CREB5: variants seen among roughly 807,000 people sequenced by gnomAD.
CREB5 encodes cyclic AMP-responsive element-binding protein 5.
In CREB5, 19 loss-of-function variants were observed where a neutral mutation model predicts 57.1. That is an observed-to-expected ratio of 0.33 (90% CI 0.23 to 0.49). CREB5 has a LOEUF of 0.49. CREB5 is among the 20% of genes least tolerant of loss of function. CREB5 has a pLI of 0.99. For synonymous variants in CREB5, 238 were observed against 238.3 expected, an observed-to-expected ratio of 1.00 and a Z score of 0.01; for missense variants, 579 against 671.6, an observed-to-expected ratio of 0.86 and a Z score of 1.52.
Position 28,482,314 on chromosome 7 carries a change from T to A in CREB5, c.4-5861T>A, listed in dbSNP as rs574635453. Among the ~76,000 whole-genome samples the A allele has an allele frequency of 2.0e-5, 3 of 152,340 alleles. No homozygotes were observed. In the East Asian group the frequency reaches 5.8e-4, roughly 29 times the overall value. On this transcript the variant is annotated intron_variant, in intron 1 of 10. Coordinates refer to ENST00000357727, the MANE Select transcript of CREB5 (RefSeq NM_182898.4). Reference sequence around the variant, plus strand: ...TGAAGAAAATAAATCGAGAGTGTGTTTTTGGTGAATGTGTGTTGGGTTATT... The same window carrying A: ...TGAAGAAAATAAATCGAGAGTGTGTATTTGGTGAATGTGTGTTGGGTTATT...
chr7:28,694,371 T>A (rs1801429128), intron 5 of CREB5, among the ~76,000 whole-genome samples: 1 of 152,172 alleles, frequency 6.6e-6, no homozygotes, highest in Non-Finnish European at 1.5e-5. Context: ...ATAGCCAGAT[T>A]ATTTTTCTGA....
chr7:28,695,533 G>T (rs1256288125), intron 5 of CREB5, among the ~76,000 whole-genome samples: 1 of 152,184 alleles, frequency 6.6e-6, no homozygotes, highest in Admixed American at 6.5e-5. Context: ...GGAGAGAGGG[G>T]TGCAGAGGCC....
intron 1 of CREB5, among the ~76,000 whole-genome samples, chr7:28,369,659 C>T (rs993933123): frequency 6.6e-6 from 1 of 152,128 alleles, no homozygotes; most frequent in Non-Finnish European, 1.5e-5. Flanking sequence ...ACTGCTTTGT[C>T]CAATGGCCAG....
intron 4 of CREB5, among the ~76,000 whole-genome samples, chr7:28,560,891 T>TGCGCGCGCGCGTGCGCGTGCGTGTGC (rs1314317818): frequency 5.1e-5 from 1 of 19,726 alleles, no homozygotes; most frequent in Non-Finnish European, 9.3e-5. Flanking sequence ...TGCGTGCGTG[T>TGCGCGCGCGCGTGCGCGTGCGTGTGC]GTGTGCGTGC....
At chr7:28,692,817 A>G (rs978951931) in intron 5 of CREB5, among the ~76,000 whole-genome samples, 11 of 152,218 alleles carry the variant, frequency 7.2e-5, no homozygotes, top group Non-Finnish European at 1.3e-4. Context: ...GCATTTCATG[A>G]GTTTGGGTTA....
At chr7:28,695,961 G>T (rs1278824884) in intron 5 of CREB5, among the ~76,000 whole-genome samples, 1 of 152,064 alleles carries the variant, frequency 6.6e-6, no homozygotes, top group African/African-American at 2.4e-5. Context: ...AGAGCAAAGG[G>T]TAATTCATAG....
intron 7 of CREB5, among the ~76,000 whole-genome samples, chr7:28,768,078 TA>T: frequency 6.6e-6 from 1 of 152,320 alleles, no homozygotes; most frequent in East Asian, 1.9e-4. Context: ...CCTATTTGGC[TA>T]AAAATGCAGA....
At chr7:28,759,077 T>G in intron 7 of CREB5, among the ~76,000 whole-genome samples, 1 of 152,196 alleles carries the variant, frequency 6.6e-6, no homozygotes, top group East Asian at 1.9e-4. Context: ...TGGAGATTAT[T>G]CAGGCAATGG....
chr7:28,349,230 A>G (rs926919648), intron 1 of CREB5, among the ~76,000 whole-genome samples: 6 of 152,196 alleles, frequency 3.9e-5, no homozygotes, highest in African/African-American at 1.4e-4. Context: ...AAGTAGTTAT[A>G]ACCTTATAAG....
At chr7:28,537,046 A>G in intron 4 of CREB5, among the ~76,000 whole-genome samples, 1 of 152,232 alleles carries the variant, frequency 6.6e-6, no homozygotes, top group Admixed American at 6.5e-5. Flanking sequence ...TTACAGTCCT[A>G]TTTAATTCTC....
chr7:28,318,085 T>C (rs900357966), intron 1 of CREB5, among the ~76,000 whole-genome samples: 8 of 152,238 alleles, frequency 5.3e-5, no homozygotes, highest in South Asian at 2.1e-4. Context: ...TTTCCAAATA[T>C]ATGAAGTTAT....
intron 5 of CREB5, among the ~76,000 whole-genome samples, chr7:28,715,057 T>G (rs918773009): frequency 5.3e-5 from 8 of 152,256 alleles, no homozygotes; most frequent in Admixed American, 5.2e-4. Flanking sequence ...TGTTTTGTTT[T>G]GTTTTAAAGG....
intron 1 of CREB5, among the ~76,000 whole-genome samples, chr7:28,327,347 A>AGAGT (rs1491260094): frequency 2.6e-5 from 4 of 152,198 alleles, no homozygotes; most frequent in African/African-American, 9.6e-5. Context: ...CATGTACCTC[A>AGAGT]GAGTGACTTG....
intron 1 of CREB5, among the ~76,000 whole-genome samples, chr7:28,416,624 A>G (rs1788037381): frequency 6.6e-6 from 1 of 152,132 alleles, no homozygotes; most frequent in Admixed American, 6.6e-5. Flanking sequence ...GTGCAGAAAA[A>G]CACTGACTCC....
At chr7:28,635,567 G>A (rs955608793) in intron 5 of CREB5, among the ~76,000 whole-genome samples, 8 of 152,126 alleles carry the variant, frequency 5.3e-5, no homozygotes, top group Non-Finnish European at 7.4e-5. Context: ...GACAAGCTGC[G>A]GAATCAAAAG....
chr7:28,700,161 C>G (rs576286372), intron 5 of CREB5, among the ~76,000 whole-genome samples: 1 of 152,182 alleles, frequency 6.6e-6, no homozygotes, highest in South Asian at 2.1e-4. Flanking sequence ...TTTTAACAAC[C>G]TGCCTTGCAC....
At chr7:28,391,714 C>A (rs1256602265) in intron 1 of CREB5, among the ~76,000 whole-genome samples, 1 of 152,196 alleles carries the variant, frequency 6.6e-6, no homozygotes, top group South Asian at 2.1e-4. Context: ...GGATGTGGTT[C>A]TTCTCACCAA....
At chr7:28,337,478 T>C (rs1735938367) in intron 1 of CREB5, among the ~76,000 whole-genome samples, 1 of 152,050 alleles carries the variant, frequency 6.6e-6, no homozygotes. Context: ...TATAGTTTCA[T>C]CTTGCAATTT....
chr7:28,585,796 C>T (rs1796284705), intron 5 of CREB5, among the ~76,000 whole-genome samples: 2 of 152,148 alleles, frequency 1.3e-5, no homozygotes, highest in South Asian at 2.1e-4. Flanking sequence ...AGCAACTAGA[C>T]ATATTCATTG....
Sources: gnomAD v4.1 joint callset for allele counts (sites outside exome capture counted in the v4.1 genomes callset) on GRCh38, gnomAD v4.1.1 for gene constraint, MANE v1.5 for transcripts, NCBI Gene and HGNC (gene_info 2026-07-23, HGNC 2026-07-21) for gene names.